Variants in CADPS2 observed in about 807,000 individuals in gnomAD.
CADPS2 encodes the protein calcium-dependent secretion activator 2.
CADPS2 carries 93 observed loss-of-function variants against 172.5 expected under a neutral mutation model. The ratio of observed to expected loss-of-function variants is 0.54; its 90% confidence interval spans 0.46 to 0.64. The LOEUF (loss-of-function observed/expected upper bound fraction) is 0.64, where lower values mean the gene tolerates loss of function less well. CADPS2 is among the 30% of genes least tolerant of loss of function. The pLI, the probability that CADPS2 is intolerant of heterozygous loss-of-function variation, is 0.00. For missense variants in CADPS2, 1,420 were observed against 1,565.9 expected (o/e 0.91, Z 1.57); for synonymous variants, 546 against 555.2 (o/e 0.98, Z 0.23).
chr7:122,444,022 A>G (rs1309443958), intron 15 of CADPS2, among the ~76,000 whole-genome samples: 1 of 152,032 alleles, frequency 6.6e-6, no homozygotes, highest in Non-Finnish European at 1.5e-5. Context: ...CCTTGCTATA[A>G]TTTTGATTAG....
At chr7:122,799,066 G>C (rs1303428957) in intron 1 of CADPS2, among the ~76,000 whole-genome samples, 1 of 151,706 alleles carries the variant, frequency 6.6e-6, no homozygotes, top group Admixed American at 6.6e-5. Flanking sequence ...ACAGTCACAA[G>C]ATAAATAAGA....
chr7:122,372,694 T>C (rs117042526), intron 25 of CADPS2, among the ~76,000 whole-genome samples: 2,651 of 152,358 alleles, frequency 0.017, 45 homozygotes, highest in Non-Finnish European at 0.027. Flanking sequence ...TACTTTATGT[T>C]GAGTTAATTA....
In CADPS2 at chr7:122,360,801, T is replaced by C. The variant is rs569162156; in HGVS notation, c.3491A>G (p.Tyr1164Cys). ...LSFTVKAAAK[Y>C]VDVPKPGMDL... ...AAAAATACTTACTGGAACATCAACA[T>C]ATTTTGCAGCTGCTTTCACCTTAAG... Residue 1164 changes from tyrosine to cysteine, a missense_variant, in exon 27 of 30, where the codon TAT becomes TGT. Transcript: ENST00000449022. The C allele has an allele frequency of 9.0e-6, 14 of 1,561,182 alleles. No homozygotes were observed. Among genetic ancestry groups the C allele is most frequent in the Non-Finnish European group, 1.1e-5 (13 of 1,152,938 alleles).
intron 25 of CADPS2, among the ~76,000 whole-genome samples, chr7:122,362,502 A>C (rs12536083): frequency 0.23 from 34,870 of 152,012 alleles, 4,243 homozygotes; most frequent in Non-Finnish European, 0.26. Context: ...ATGAAATAAA[A>C]AAACACATAC....
intron 2 of CADPS2, chr7:122,681,781 A>G: frequency 2.0e-6 from 1 of 499,110 alleles, no homozygotes; most frequent in Non-Finnish European, 3.4e-6. Flanking sequence ...AAAAAAAAAT[A>G]AATAAAAATA....
intron 2 of CADPS2, among the ~76,000 whole-genome samples, chr7:122,721,559 C>A (rs541953901): frequency 6.6e-6 from 1 of 152,104 alleles, no homozygotes; most frequent in South Asian, 2.1e-4. Flanking sequence ...AGCCTACCAA[C>A]CAAAAAAAGT....
chr7:122,417,582 C>T (rs1463200801), intron 17 of CADPS2, among the ~76,000 whole-genome samples: 1 of 152,144 alleles, frequency 6.6e-6, no homozygotes, highest in Non-Finnish European at 1.5e-5. Flanking sequence ...ATGAACATTT[C>T]AACATCCTCA....
At chr7:122,345,791 G>A in intron 27 of CADPS2, 110 bp from the exon 28 acceptor site, 1 of 688,498 alleles carries the variant, frequency 1.5e-6, no homozygotes, top group South Asian at 2.1e-5. Flanking sequence ...TCATAACAAG[G>A]AGCTTAAAAC....
At chr7:122,446,232 C>A (rs1030291275) in intron 15 of CADPS2, among the ~76,000 whole-genome samples, 1 of 152,114 alleles carries the variant, frequency 6.6e-6, no homozygotes, top group Non-Finnish European at 1.5e-5. Context: ...TAATCCTCTT[C>A]ATTGATCATA....
intron 8 of CADPS2, among the ~76,000 whole-genome samples, chr7:122,531,231 G>T (rs2061725730): frequency 6.6e-6 from 1 of 152,226 alleles, no homozygotes; most frequent in African/African-American, 2.4e-5. Context: ...TAACTGCAGA[G>T]AGCGTCAAAG....
intron 7 of CADPS2, among the ~76,000 whole-genome samples, chr7:122,577,661 T>C (rs1389128179): frequency 6.6e-6 from 1 of 152,146 alleles, no homozygotes; most frequent in African/African-American, 2.4e-5. Context: ...TCATAAACCC[T>C]TTGGTAAATA....
intron 4 of CADPS2, among the ~76,000 whole-genome samples, chr7:122,628,304 GT>G (rs1373728435): frequency 6.6e-6 from 1 of 152,060 alleles, no homozygotes; most frequent in Non-Finnish European, 1.5e-5. Context: ...GTTAAAATTA[GT>G]ATGGGATATA....
At chr7:122,576,792 A>G (rs1477647964) in intron 7 of CADPS2, among the ~76,000 whole-genome samples, 2 of 114,120 alleles carry the variant, frequency 1.8e-5, no homozygotes, top group Non-Finnish European at 3.5e-5. Flanking sequence ...TTTTTTTTTG[A>G]GATGGAGTCT....
intron 6 of CADPS2, among the ~76,000 whole-genome samples, chr7:122,609,489 G>A (rs181741885): frequency 6.6e-6 from 1 of 151,922 alleles, no homozygotes; most frequent in African/African-American, 2.4e-5. Flanking sequence ...TAAATAACAG[G>A]AATTTTCTCC....
At chr7:122,557,310 G>A (rs2065153694) in intron 7 of CADPS2, among the ~76,000 whole-genome samples, 1 of 152,116 alleles carries the variant, frequency 6.6e-6, no homozygotes, top group Non-Finnish European at 1.5e-5. Context: ...GGAGAATAAA[G>A]GACAAGGGAG....
At chr7:122,554,482 C>T (rs949369710) in intron 8 of CADPS2, 68 bp downstream of exon 8, 1 of 1,459,444 alleles carries the variant, frequency 6.9e-7, no homozygotes, top group African/African-American at 1.4e-5. Context: ...TCTCACTAAA[C>T]TGACAAAAAT....
At chr7:122,518,398 T>C (rs2060532014) in intron 8 of CADPS2, among the ~76,000 whole-genome samples, 1 of 152,130 alleles carries the variant, frequency 6.6e-6, no homozygotes, top group Non-Finnish European at 1.5e-5. Flanking sequence ...GGAAATGGCA[T>C]TAATTTAACA....
intron 8 of CADPS2, among the ~76,000 whole-genome samples, chr7:122,552,105 T>C (rs374295936): frequency 2.8e-4 from 42 of 152,312 alleles, no homozygotes; most frequent in African/African-American, 9.1e-4. Flanking sequence ...TCCCTGTCCA[T>C]AGGGAGCAAT....
chr7:122,730,123 T>G (rs1355055125), intron 2 of CADPS2, among the ~76,000 whole-genome samples: 1 of 151,778 alleles, frequency 6.6e-6, no homozygotes, highest in Non-Finnish European at 1.5e-5. Context: ...ATCTTCTTAG[T>G]GTATAAACAA....
Sources: allele counts gnomAD v4.1 joint callset (sites outside exome capture counted in the v4.1 genomes callset), GRCh38; gene constraint gnomAD v4.1.1; transcripts MANE v1.5; gene names NCBI Gene and HGNC (gene_info 2026-07-23, HGNC 2026-07-21).